POLG2: variants seen among roughly 807,000 people sequenced by gnomAD.
POLG2 encodes the protein DNA polymerase subunit gamma-2.
A neutral mutation model predicts 56.5 loss-of-function variants in POLG2; 50 were observed. That is an observed-to-expected ratio of 0.88 (90% CI 0.71 to 1.12). The LOEUF (loss-of-function observed/expected upper bound fraction) is 1.12, where lower values mean the gene tolerates loss of function less well. Ranked by LOEUF, POLG2 falls within the 50% of genes most tolerant of loss-of-function variation. POLG2 has a pLI of 0.00. For synonymous variants in POLG2, 226 were observed against 222.6 expected (o/e 1.02, Z -0.14); for missense variants, 584 against 583.3 (o/e 1.00, Z -0.01).
chr17:64,495,730 C>A (rs1049502701), intron 1 of POLG2, among the ~76,000 whole-genome samples: 2 of 151,256 alleles, frequency 1.3e-5, no homozygotes, highest in Admixed American at 1.3e-4. Context: ...TTTTTTAAGA[C>A]GGAGTTTTGC....
chr17:64,478,501 C>T (rs1269231464), intron 7 of POLG2, among the ~76,000 whole-genome samples: 3 of 152,226 alleles, frequency 2.0e-5, no homozygotes, highest in African/African-American at 4.8e-5. Context: ...TACCAAGTCA[C>T]ACTATCTCAT....
At chr17:64,482,544 T>C (rs2037879443) in intron 6 of POLG2, among the ~76,000 whole-genome samples, 1 of 152,102 alleles carries the variant, frequency 6.6e-6, no homozygotes, top group South Asian at 2.1e-4. Flanking sequence ...GGTCTCGATC[T>C]CTTGACCTCG....
intron 7 of POLG2, 136 bp from the exon 8 acceptor site, chr17:64,478,124 C>T (rs879975418): frequency 7.5e-6 from 6 of 800,144 alleles, no homozygotes; most frequent in African/African-American, 7.0e-5. Flanking sequence ...CCAAAAAAAC[C>T]CAACATTTTT....
At chr17:64,493,049 T>C (rs2038090879) in intron 1 of POLG2, 28 bp from the exon 2 acceptor site, 4 of 1,613,014 alleles carry the variant, frequency 2.5e-6, no homozygotes, top group Admixed American at 3.3e-5. Context: ...AATCATTGTA[T>C]ACATCTAGTC....
intron 1 of POLG2, among the ~76,000 whole-genome samples, chr17:64,495,727 A>G (rs1290078433): frequency 1.3e-5 from 2 of 151,944 alleles, no homozygotes; most frequent in Non-Finnish European, 2.9e-5. Context: ...TTTTTTTTTA[A>G]GACGGAGTTT....
In POLG2 at chr17:64,479,528, AAC is replaced by A. The variant is rs1423282182; in HGVS notation, c.1292+759_1292+760del. On this transcript the variant is annotated intron_variant, in intron 7 of 7. Transcript: ENST00000539111. ...AAATGTTCAGAGAACTGAAGATCAA[AAC>A]ACAATGGTTCACAACTTTTCACCCA... Among the ~76,000 whole-genome samples the A allele has an allele frequency of 3.3e-5, 5 of 152,246 alleles. No individual in the cohort carries two copies. The East Asian group carries it at 9.6e-4, about 29-fold the overall frequency.
At position 64,496,828 on chromosome 17, in the gene POLG2, G is replaced by C; in HGVS notation, c.141C>G (p.His47Gln). The change falls in exon 1 of 8, where the codon CAC (histidine) becomes CAG (glutamine). Residue 47 changes from histidine (H) to glutamine (Q), a missense_variant. Transcript: ENST00000539111. ...GCTCGCCGTTCCCCTCGAGCTCCGC[G>C]TGCGACTTCACATGCCCTCCTTTGG... is the stretch of plus-strand genomic sequence containing the variant. ...SSPKGGHVKSHAELEGNGEHP... is the reference protein window; with the variant it reads ...SSPKGGHVKSQAELEGNGEHP... 6.2e-7 allele frequency: 1 copy of C among 1,613,750 alleles called. No homozygotes were observed. Among genetic ancestry groups the C allele is most frequent in the Non-Finnish European group, 8.5e-7 (1 of 1,180,018 alleles).
Position 64,496,542 on chromosome 17 carries a change from T to C in POLG2, c.427A>G (p.Ser143Gly). Residue 143 changes from serine (S) to glycine (G), a missense_variant, in exon 1 of 8, where the codon AGT (serine) becomes GGT (glycine). Physicochemically the swap from Ser to Gly is moderately conservative, Grantham distance 56. Coordinates refer to ENST00000539111, the MANE Select transcript of POLG2 (RefSeq NM_007215.4). ...TCTGCAGAAACTAACCTGAAGGCAC[T>C]GTCCCCGGGTAGCAAAGGGCCTGGT... ...HKPGPLLPGD[S>G]AFRLVSAETL... 3.1e-6 allele frequency: 5 copies of C among 1,613,910 alleles called. No individual in the cohort carries two copies. The highest frequency in any genetic ancestry group is 4.2e-6 in the Non-Finnish European group (5 of 1,179,822).
At position 64,485,841 on chromosome 17, in the gene POLG2, G is replaced by C. The variant is rs2037941114; in HGVS notation, c.997C>G (p.Pro333Ala). ...TCCCCATTTACAGAGAGAACACAAG[G>C]AACCACATTTTTTCGTCCATCTCGG... ...HGRDGRKNVV[P>A]CVLSVNGDLD... Residue 333 changes from proline to alanine, a missense_variant, in exon 5 of 8, where the codon CCT becomes GCT. Pro to Ala is a conservative substitution (Grantham distance 27). Coordinates refer to ENST00000539111, the MANE Select transcript of POLG2 (RefSeq NM_007215.4). 1 of 1,613,990 alleles carries C rather than the reference G, an allele frequency of 6.2e-7. No individual in the cohort carries two copies. Among genetic ancestry groups the C allele is most frequent in the East Asian group, 2.2e-5 (1 of 44,880 alleles).
intron 7 of POLG2, among the ~76,000 whole-genome samples, chr17:64,479,664 A>G (rs143185617): frequency 3.6e-4 from 55 of 152,330 alleles, no homozygotes; most frequent in Non-Finnish European, 6.6e-4. Context: ...AGAGAGCTCA[A>G]TTAGGAGATG....
At chr17:64,490,737 C>T (rs1157721028) in intron 4 of POLG2, 59 bp downstream of exon 4, 23 of 1,364,346 alleles carry the variant, frequency 1.7e-5, no homozygotes, top group South Asian at 2.3e-5. Context: ...TCAAATGGTT[C>T]GGAAATGATT....
chr17:64,481,829 C>T (rs1346903239), intron 6 of POLG2, among the ~76,000 whole-genome samples: 1 of 151,510 alleles, frequency 6.6e-6, no homozygotes, highest in African/African-American at 2.4e-5. Flanking sequence ...GAGCCGAGAT[C>T]GTGCCACTGC....
chr17:64,490,218 T>G (rs2038034011), intron 4 of POLG2, among the ~76,000 whole-genome samples: 2 of 152,186 alleles, frequency 1.3e-5, no homozygotes, highest in African/African-American at 4.8e-5. Flanking sequence ...CCACTGCGCC[T>G]GGCCGTTAAT....
Position 64,495,647 on chromosome 17 carries a change from T to C in POLG2, c.562+760A>G, listed in dbSNP as rs551768708. ...ACATTAGTTTATACGTACCTTCTTTTACATATTATCTCTTCTTTTACAATG... is the reference window on the plus strand; with the variant it reads ...ACATTAGTTTATACGTACCTTCTTTCACATATTATCTCTTCTTTTACAATG... On this transcript the variant is annotated intron_variant, in intron 1 of 7. Transcript: ENST00000539111. 2.6e-5 allele frequency among the ~76,000 whole-genome samples: 4 copies of C among 152,360 alleles called. No individual in the cohort carries two copies. The South Asian group carries it at 6.2e-4, about 24-fold the overall frequency.
Position 64,496,867 on chromosome 17 carries a change from C to A in POLG2, c.102G>T (p.Thr34=). 1 of 1,613,750 alleles carries A rather than the reference C, an allele frequency of 6.2e-7. No homozygotes were observed. Among genetic ancestry groups the A allele is most frequent in the Non-Finnish European group, 8.5e-7 (1 of 1,180,032 alleles). ...RVDAGQPELL[T]ERSSPKGGHV... is the part of the protein sequence containing the mutation. Reference sequence around the variant, plus strand: ...GCCCTCCTTTGGGGCTACTCCTTTCCGTCAACAGCTCCGGCTGCCCCGCAT... The same window carrying A: ...GCCCTCCTTTGGGGCTACTCCTTTCAGTCAACAGCTCCGGCTGCCCCGCAT... The change falls in exon 1 of 8, where the codon ACG becomes ACT. Residue 34 remains threonine (T), a synonymous_variant. Transcript: ENST00000539111.
intron 3 of POLG2, chr17:64,491,549 C>T: frequency 6.5e-7 from 1 of 1,549,260 alleles, no homozygotes; most frequent in Non-Finnish European, 8.9e-7. Context: ...CAGTGAAGGA[C>T]AAGAAACTTC....
intron 7 of POLG2, among the ~76,000 whole-genome samples, chr17:64,478,733 C>T (rs2037807660): frequency 6.6e-6 from 1 of 151,768 alleles, no homozygotes; most frequent in African/African-American, 2.4e-5. Context: ...CCATCTCTAC[C>T]AAAACTACAA....
chr17:64,481,762 C>G (rs2037860355), intron 6 of POLG2, among the ~76,000 whole-genome samples: 1 of 151,968 alleles, frequency 6.6e-6, no homozygotes, highest in South Asian at 2.1e-4. Context: ...GTAATCCCAT[C>G]TACTAGGGAG....
intron 3 of POLG2, chr17:64,491,669 C>T: frequency 7.8e-7 from 1 of 1,288,210 alleles, no homozygotes; most frequent in South Asian, 1.2e-5. Flanking sequence ...ACAACAAGTA[C>T]ATCAACGTGA....
Sources: allele counts gnomAD v4.1 joint callset (sites outside exome capture counted in the v4.1 genomes callset), GRCh38; gene constraint gnomAD v4.1.1; transcripts MANE v1.5; gene names NCBI Gene and HGNC (gene_info 2026-07-23, HGNC 2026-07-21).